PIK3C2G: variants seen among roughly 807,000 people sequenced by gnomAD.
PIK3C2G encodes the protein phosphatidylinositol-4-phosphate 3-kinase catalytic subunit type 2 gamma, also known as phosphatidylinositol 3-kinase C2 domain-containing subunit gamma.
Under a neutral mutation model 181.1 loss-of-function variants are expected in PIK3C2G, and 168 were observed. The observed-to-expected ratio is 0.93, with a 90% CI of 0.82 to 1.05. The LOEUF (loss-of-function observed/expected upper bound fraction) is 1.05. PIK3C2G is among the 50% of genes least tolerant of loss of function. The pLI is 0.00. For synonymous variants in PIK3C2G, 573 were observed against 592.2 expected (o/e 0.97, Z 0.47); for missense variants, 1,869 against 1,732.8 (o/e 1.08, Z -1.40).
rs112074392 is a variant in PIK3C2G, at chr12:18,354,154, T to G, written c.1625+7318T>G. Among the ~76,000 whole-genome samples, 188 of 152,344 alleles carry G rather than the reference T, an allele frequency of 1.2e-3. 1 individual carries two copies. Among genetic ancestry groups the G allele is most frequent in the South Asian group, 4.6e-3 (22 of 4,828 alleles). On this transcript the variant is annotated intron_variant, in intron 11 of 32. Transcript: ENST00000538779. ...GTCTTTCTAGGAGAGTTCAAATACTTGGGTTAAATTCTGGAAAGCCTCTCT... is the reference window on the plus strand; with the variant it reads ...GTCTTTCTAGGAGAGTTCAAATACTGGGGTTAAATTCTGGAAAGCCTCTCT...
chr12:18,366,810 T>G (rs1393988827), intron 12 of PIK3C2G, among the ~76,000 whole-genome samples: 1 of 151,920 alleles, frequency 6.6e-6, no homozygotes, highest in African/African-American at 2.4e-5. Context: ...TGTCTGAAAG[T>G]TCATTCCTTT....
At chr12:18,361,848 G>T (rs1428106662) in intron 11 of PIK3C2G, among the ~76,000 whole-genome samples, 1 of 152,166 alleles carries the variant, frequency 6.6e-6, no homozygotes, top group African/African-American at 2.4e-5. Context: ...CTCTTTAAAA[G>T]CTGAAGTGTT....
At chr12:18,609,499 C>T (rs1339623889) in intron 30 of PIK3C2G, 36 bp from the exon 31 acceptor site, 1 of 1,265,182 alleles carries the variant, frequency 7.9e-7, no homozygotes, top group Admixed American at 2.0e-5. Flanking sequence ...TGAGCTTTTT[C>T]CAACTGAACT....
intron 31 of PIK3C2G, among the ~76,000 whole-genome samples, chr12:18,628,763 G>C (rs1324678653): frequency 6.6e-6 from 1 of 152,014 alleles, no homozygotes; most frequent in Non-Finnish European, 1.5e-5. Flanking sequence ...TTTAAACTTA[G>C]AGAAAATTAT....
chr12:18,567,968 C>T (rs902963029), intron 29 of PIK3C2G, among the ~76,000 whole-genome samples: 10 of 152,190 alleles, frequency 6.6e-5, no homozygotes, highest in Middle Eastern at 3.4e-3. Flanking sequence ...TCTCTTCCAG[C>T]GACACAGTGG....
At chr12:18,256,964 G>A (rs1362359705), upstream of PIK3C2G, among the ~76,000 whole-genome samples, 1 of 152,058 alleles carries the variant, frequency 6.6e-6, no homozygotes, top group African/African-American at 2.4e-5. Flanking sequence ...TAGGTTACTT[G>A]TTGTTGGCAG....
chr12:18,703,315 A>T, the PIK3C2G span, among the ~76,000 whole-genome samples: 2 of 152,106 alleles, frequency 1.3e-5, no homozygotes, highest in South Asian at 4.1e-4. Flanking sequence ...ATGTCTTGTC[A>T]CTAGTGTCAC....
intron 1 of PIK3C2G, among the ~76,000 whole-genome samples, chr12:18,267,843 T>C (rs997206776): frequency 2.0e-5 from 3 of 152,206 alleles, no homozygotes; most frequent in Admixed American, 2.0e-4. Flanking sequence ...GTATTCTTTG[T>C]ATCCCAAACA....
chr12:18,565,945 TCTAC>T, intron 28 of PIK3C2G, among the ~76,000 whole-genome samples: 1 of 152,306 alleles, frequency 6.6e-6, no homozygotes, highest in South Asian at 2.1e-4. Flanking sequence ...GATCTATCTC[TCTAC>T]CTACCTATCT....
At position 18,566,966 on chromosome 12, in the gene PIK3C2G, ACCTACC is replaced by A. The variant is rs769642990; in HGVS notation, c.3921_3926del (p.Leu1308_Pro1309del). The A allele has an allele frequency of 2.3e-5, 37 of 1,594,122 alleles. No homozygotes were observed. In the East Asian group the frequency reaches 8.3e-4, roughly 36 times the overall value. ...TAAAACAGGTTTCCTCATTGGTGGCACCTACCTTTTACAAATTCAGATCACAGAAGA... is the reference window on the plus strand; with the variant it reads ...TAAAACAGGTTTCCTCATTGGTGGCATTTTACAAATTCAGATCACAGAAGA... On this transcript the variant is annotated inframe_deletion, in exon 29 of 33. Transcript: ENST00000538779.
intron 16 of PIK3C2G, among the ~76,000 whole-genome samples, chr12:18,405,778 ATATT>A: frequency 6.6e-6 from 1 of 152,178 alleles, no homozygotes; most frequent in Admixed American, 6.5e-5. Context: ...ATAATTGTAT[ATATT>A]TATGTGGTAC....
chr12:18,516,606 G>A (rs1357909762), intron 24 of PIK3C2G, among the ~76,000 whole-genome samples: 2 of 151,908 alleles, frequency 1.3e-5, no homozygotes, highest in East Asian at 3.9e-4. Context: ...ATTATTATGT[G>A]GCGCTTAGTT....
At chr12:18,327,685 A>C (rs1364022656) in intron 8 of PIK3C2G, among the ~76,000 whole-genome samples, 1 of 152,020 alleles carries the variant, frequency 6.6e-6, no homozygotes, top group East Asian at 1.9e-4. Flanking sequence ...CTGTATTCTT[A>C]ATTTTATAGA....
chr12:18,487,934 C>T (rs1241351085), intron 18 of PIK3C2G, among the ~76,000 whole-genome samples: 1 of 152,054 alleles, frequency 6.6e-6, no homozygotes, highest in East Asian at 1.9e-4. Context: ...AAACAAAAAA[C>T]CATGCTCTTG....
intron 2 of PIK3C2G, among the ~76,000 whole-genome samples, chr12:18,283,566 T>C (rs1949314678): frequency 6.6e-6 from 1 of 152,186 alleles, no homozygotes; most frequent in Non-Finnish European, 1.5e-5. Flanking sequence ...AGAAAAGATA[T>C]GATACTTGAA....
At chr12:18,250,614 T>A (rs1591758474) in intron 1 of PIK3C2G, among the ~76,000 whole-genome samples, 1 of 152,014 alleles carries the variant, frequency 6.6e-6, no homozygotes, top group African/African-American at 2.4e-5. Flanking sequence ...GTATTCAAAT[T>A]AAATAAATGC....
chr12:18,467,172 T>C (rs1223858018), intron 18 of PIK3C2G, among the ~76,000 whole-genome samples: 2 of 152,018 alleles, frequency 1.3e-5, no homozygotes, highest in Non-Finnish European at 2.9e-5. Flanking sequence ...AACAGCCTCA[T>C]TAATTCAATC....
intron 18 of PIK3C2G, among the ~76,000 whole-genome samples, chr12:18,430,248 G>T (rs1038206601): frequency 2.0e-5 from 3 of 152,112 alleles, no homozygotes; most frequent in African/African-American, 7.2e-5. Context: ...CAACAGTATT[G>T]CAGTCTTTCC....
chr12:18,607,290 C>T lies in PIK3C2G; in HGVS notation c.4088-2245C>T, dbSNP rs185154770. 1.3e-4 allele frequency: 55 copies of T among 409,534 alleles called. No individual in the cohort carries two copies. In the East Asian group the frequency reaches 2.9e-3, roughly 21 times the overall value. 25.4% of individuals were successfully genotyped at this position (409,534 alleles called of 1,614,324 possible). A position where few individuals can be genotyped will look rare whatever the true frequency, so the allele number is the denominator to read the frequency against. On this transcript the variant is annotated intron_variant, in intron 30 of 32. Transcript: ENST00000538779. ...GAGCCTGTTTGTAGAACTAAACATA[C>T]GAATGAAAGTATAGAATAGCTACAG...
Sources: gnomAD v4.1 joint callset for allele counts (sites outside exome capture counted in the v4.1 genomes callset) on GRCh38, gnomAD v4.1.1 for gene constraint, MANE v1.5 for transcripts, NCBI Gene and HGNC (gene_info 2026-07-23, HGNC 2026-07-21) for gene names.